TGFBR3: variants seen among roughly 807,000 people sequenced by gnomAD.
The protein encoded by TGFBR3 is transforming growth factor beta receptor 3, also known as transforming growth factor beta receptor type 3.
Under a neutral mutation model 87.9 loss-of-function variants are expected in TGFBR3, and 46 were observed. The observed-to-expected ratio is 0.52, with a 90% confidence interval of 0.41 to 0.67. The LOEUF is 0.67. Ranked by LOEUF, TGFBR3 falls within the 30% of genes least tolerant of loss-of-function variation. TGFBR3 has a pLI of 0.00. For synonymous variants in TGFBR3, 381 were observed against 391.6 expected (o/e 0.97, Z 0.32); for missense variants, 866 against 1,041.9 (o/e 0.83, Z 2.32).
chr1:91,905,415 GA>G (rs1265606248), intron 1 of TGFBR3, among the ~76,000 whole-genome samples: 1 of 152,082 alleles, frequency 6.6e-6, no homozygotes, highest in Non-Finnish European at 1.5e-5. Flanking sequence ...CACAACCGTT[GA>G]CCAGTTACTT....
At chr1:91,739,080 G>A (rs1032093007) in intron 4 of TGFBR3, among the ~76,000 whole-genome samples, 5 of 152,172 alleles carry the variant, frequency 3.3e-5, no homozygotes, top group Non-Finnish European at 5.9e-5. Context: ...AGGACACAGG[G>A]CTGAGGCAAG....
chr1:91,734,646 G>C, intron 5 of TGFBR3, 130 bp downstream of exon 5: 3 of 1,168,958 alleles, frequency 2.6e-6, no homozygotes, highest in South Asian at 2.5e-5. Flanking sequence ...GGGGCCAAAT[G>C]ACCCCTCAGG....
chr1:91,852,834 C>T (rs933497358), intron 2 of TGFBR3, among the ~76,000 whole-genome samples: 1 of 152,074 alleles, frequency 6.6e-6, no homozygotes, highest in African/African-American at 2.4e-5. Context: ...TATCAAAAAG[C>T]AGAATTAAAC....
In TGFBR3 at chr1:91,739,976, G is replaced by A. The variant is rs556837935; in HGVS notation, c.385-5017C>T. ...TCACTATGACGAGAACAGCACAAAA[G>A]AGGAAATCTTCCCATCCCCATGATC... On this transcript the variant is annotated intron_variant, in intron 4 of 16. Coordinates refer to ENST00000212355, the MANE Select transcript of TGFBR3 (RefSeq NM_003243.5). 2.3e-4 allele frequency among the ~76,000 whole-genome samples: 35 copies of A among 152,290 alleles called. No homozygotes were observed. The East Asian group carries it at 6.7e-3, about 29-fold the overall frequency.
intron 2 of TGFBR3, among the ~76,000 whole-genome samples, chr1:91,820,750 A>G (rs1006102374): frequency 7.2e-5 from 11 of 152,220 alleles, no homozygotes; most frequent in African/African-American, 2.7e-4. Context: ...CATATGCTGC[A>G]TTTAAAACAC....
intron 8 of TGFBR3, among the ~76,000 whole-genome samples, chr1:91,721,322 CA>C (rs1672361360): frequency 6.6e-6 from 1 of 152,184 alleles, no homozygotes; most frequent in African/African-American, 2.4e-5. Flanking sequence ...AGAGGTGAAG[CA>C]ACTTCTCCCC....
chr1:91,892,365 T>C (rs1305140185), intron 2 of TGFBR3, among the ~76,000 whole-genome samples: 1 of 152,134 alleles, frequency 6.6e-6, no homozygotes, highest in Non-Finnish European at 1.5e-5. Context: ...TAGCCCCACC[T>C]CTTTTGTTTA....
intron 6 of TGFBR3, among the ~76,000 whole-genome samples, chr1:91,729,150 TACACACAC>T (rs57364204): frequency 0.03 from 1,985 of 66,860 alleles, 116 homozygotes; most frequent in African/African-American, 0.088. Context: ...CACTCCAGCA[TACACACAC>T]ACACACACAC....
intron 2 of TGFBR3, among the ~76,000 whole-genome samples, chr1:91,831,071 C>T (rs991822728): frequency 3.3e-5 from 5 of 152,184 alleles, no homozygotes; most frequent in African/African-American, 1.2e-4. Context: ...TGTCCAAAGG[C>T]CACAAGATCT....
chr1:91,758,418 C>A (rs915557519), intron 4 of TGFBR3, among the ~76,000 whole-genome samples, 195 bp downstream of exon 4: 1 of 152,098 alleles, frequency 6.6e-6, no homozygotes, highest in Non-Finnish European at 1.5e-5. Context: ...AGAAGATGGG[C>A]AGGTGTGTCT....
At chr1:91,748,480 A>G (rs560567432) in intron 4 of TGFBR3, among the ~76,000 whole-genome samples, 1 of 152,300 alleles carries the variant, frequency 6.6e-6, no homozygotes, top group South Asian at 2.1e-4. Context: ...TGAAATACTG[A>G]TATGATCTAG....
intron 4 of TGFBR3, among the ~76,000 whole-genome samples, chr1:91,743,157 T>C (rs999807329): frequency 6.6e-6 from 1 of 152,144 alleles, no homozygotes; most frequent in African/African-American, 2.4e-5. Context: ...GGCACTGAGG[T>C]TCTTTGCTTT....
chr1:91,833,506 G>A (rs1205785656), intron 2 of TGFBR3, among the ~76,000 whole-genome samples: 2 of 142,442 alleles, frequency 1.4e-5, no homozygotes, highest in Non-Finnish European at 3.0e-5. Flanking sequence ...GGTGGCTTAC[G>A]CCTATAATCC....
rs559062475 is a variant in TGFBR3, at chr1:91,778,997, A to G, written c.246+18290T>C. Among the ~76,000 whole-genome samples, 42 of 152,278 alleles carry G rather than the reference A, an allele frequency of 2.8e-4. No homozygotes were observed. In the South Asian group the frequency reaches 2.9e-3, roughly 11 times the overall value. On this transcript the variant is annotated intron_variant, in intron 3 of 16. Transcript: ENST00000212355. ...TGGGAGAAGTACTTCAGGCAAAACAAAGAGCCCATGCCAAGGACAGGAGGC... is the reference window on the plus strand; with the variant it reads ...TGGGAGAAGTACTTCAGGCAAAACAGAGAGCCCATGCCAAGGACAGGAGGC...
intron 15 of TGFBR3, among the ~76,000 whole-genome samples, chr1:91,696,939 G>A (rs1671452879): frequency 6.6e-6 from 1 of 152,074 alleles, no homozygotes; most frequent in Admixed American, 6.5e-5. Context: ...AGTCTGGAAG[G>A]ATCCGAACTC....
At chr1:91,762,007 C>T (rs917473099) in intron 3 of TGFBR3, among the ~76,000 whole-genome samples, 2 of 152,126 alleles carry the variant, frequency 1.3e-5, no homozygotes, top group African/African-American at 2.4e-5. Flanking sequence ...AAAGAGTTGA[C>T]CATCAATCCT....
intron 2 of TGFBR3, among the ~76,000 whole-genome samples, chr1:91,858,789 C>T (rs1458752719): frequency 1.3e-5 from 2 of 152,040 alleles, no homozygotes; most frequent in Non-Finnish European, 2.9e-5. Flanking sequence ...GCGGTGGTGG[C>T]TCACACCTGT....
chr1:91,840,521 ATGCATGATTTTGTAATAT>A (rs1557738470), intron 2 of TGFBR3, among the ~76,000 whole-genome samples: 3 of 147,220 alleles, frequency 2.0e-5, no homozygotes, highest in Admixed American at 6.8e-5. Context: ...TTGTAATATC[ATGCATGATTTTGTAATAT>A]CATGCATGAT....
intron 2 of TGFBR3, among the ~76,000 whole-genome samples, chr1:91,803,789 A>G (rs1485291711): frequency 6.6e-6 from 1 of 151,724 alleles, no homozygotes; most frequent in Non-Finnish European, 1.5e-5. Context: ...CATTCTACTG[A>G]TCTCTCAAGG....
Sources: allele counts gnomAD v4.1 joint callset (sites outside exome capture counted in the v4.1 genomes callset), GRCh38; gene constraint gnomAD v4.1.1; transcripts MANE v1.5; gene names NCBI Gene and HGNC (gene_info 2026-07-23, HGNC 2026-07-21).